The following FAM90A20 variants were observed in gnomAD, a reference collection of about 807,000 sequenced individuals.
The protein encoded by FAM90A20 is family with sequence similarity 90 member A20.
chr8:7,296,437 G>A, the FAM90A20 span: 1 of 716,348 alleles, frequency 1.4e-6, no homozygotes. Context: ...TTATCCTCTA[G>A]GTAACCCTGG....
chr8:7,296,382 T>A, the FAM90A20 span: 4 of 745,438 alleles, frequency 5.4e-6, 1 homozygote, highest in South Asian at 5.5e-5. Flanking sequence ...CCACGGAATC[T>A]TCTGATTATC....
chr8:7,297,304 G>T, the FAM90A20 span: 2 of 1,355,062 alleles, frequency 1.5e-6, no homozygotes, highest in East Asian at 2.3e-5. Context: ...CTCTCCTCGT[G>T]GTGGAGCCGA....
At chr8:7,297,216 G>A in the FAM90A20 span, 37 of 1,527,774 alleles carry the variant, frequency 2.4e-5, 4 homozygotes, top group Non-Finnish European at 2.9e-5. Flanking sequence ...TCCTCCTCAA[G>A]TCTTGGACCA....
chr8:7,296,216 G>T, the FAM90A20 span: 7 of 663,728 alleles, frequency 1.1e-5, no homozygotes, highest in Non-Finnish European at 1.9e-5. Flanking sequence ...AATGGGGCTG[G>T]GCCCCAGACG....
the FAM90A20 span, chr8:7,297,287 C>A: frequency 2.2e-6 from 3 of 1,352,922 alleles, no homozygotes; most frequent in South Asian, 1.2e-5. Flanking sequence ...GCACCAGGTC[C>A]ACGAGACTCT....
the FAM90A20 span, chr8:7,297,499 C>A: frequency 6.6e-6 from 10 of 1,521,406 alleles, no homozygotes; most frequent in Non-Finnish European, 8.0e-6. Context: ...GGTCAGGAGC[C>A]AAGAGACCTG....
At chr8:7,297,263 C>A in the FAM90A20 span, 3 of 1,416,690 alleles carry the variant, frequency 2.1e-6, 1 homozygote, top group Non-Finnish European at 2.9e-6. Flanking sequence ...CGACATCCCT[C>A]GGCCTGCAGT....
chr8:7,297,677 A>G, the FAM90A20 span: 375 of 1,386,046 alleles, frequency 2.7e-4, 22 homozygotes, highest in Non-Finnish European at 3.4e-4. Context: ...CCAGATGGGC[A>G]GGAGGACACC....
At chr8:7,295,853 A>G in the FAM90A20 span, 276 of 708,610 alleles carry the variant, frequency 3.9e-4, 33 homozygotes, top group East Asian at 4.9e-3. Flanking sequence ...AGGGGTTTTC[A>G]CCACTCTTAG....
the FAM90A20 span, chr8:7,296,252 A>T: frequency 1.4e-6 from 1 of 690,832 alleles, no homozygotes; most frequent in East Asian, 2.7e-5. Context: ...CCTGGGGAAA[A>T]CCAGGGGGCA....
the FAM90A20 span, chr8:7,297,902 G>A: frequency 1.4e-6 from 1 of 738,932 alleles, no homozygotes; most frequent in Non-Finnish European, 2.3e-6. Context: ...AGCCTTCCTC[G>A]CTCAGAGCCC....
the FAM90A20 span, chr8:7,296,380 T>C: frequency 3.5e-3 from 2,571 of 741,742 alleles, 412 homozygotes; most frequent in African/African-American, 0.016. Context: ...ATCCACGGAA[T>C]CTTCTGATTA....
the FAM90A20 span, chr8:7,296,299 C>A: frequency 1.2e-5 from 9 of 736,644 alleles, 2 homozygotes; most frequent in East Asian, 2.5e-5. Context: ...GCAACAAGAC[C>A]CGCAGAGGAA....
At chr8:7,297,593 G>A in the FAM90A20 span, 16 of 1,495,276 alleles carry the variant, frequency 1.1e-5, 2 homozygotes, top group Admixed American at 3.4e-5. Flanking sequence ...CACCATCCAG[G>A]GAGGTGAGCT....
chr8:7,297,438 G>T, the FAM90A20 span: 2 of 1,555,554 alleles, frequency 1.3e-6, no homozygotes, highest in South Asian at 1.1e-5. Flanking sequence ...TCACAGCCCT[G>T]CCCATCAGCC....
At chr8:7,296,117 C>T in the FAM90A20 span, among the ~76,000 whole-genome samples, 1 of 130,866 alleles carries the variant, frequency 7.6e-6, no homozygotes, top group Non-Finnish European at 1.5e-5. Flanking sequence ...GCCTAGAGGG[C>T]CACCTGGAGG....
the FAM90A20 span, chr8:7,297,211 C>A: frequency 4.6e-6 from 7 of 1,531,502 alleles, no homozygotes; most frequent in Non-Finnish European, 6.2e-6. Context: ...TGAGCTCCTC[C>A]TCAAGTCTTG....
chr8:7,297,691 C>T, the FAM90A20 span: 5 of 1,410,362 alleles, frequency 3.5e-6, no homozygotes, highest in Non-Finnish European at 4.8e-6. Context: ...GGACACCGGC[C>T]CAGGTGCCCA....
chr8:7,296,885 C>A, the FAM90A20 span, among the ~76,000 whole-genome samples: 6 of 137,042 alleles, frequency 4.4e-5, no homozygotes, highest in African/African-American at 1.7e-4. Context: ...GCGCATCGTT[C>A]ATGTGTCTTT....
Sources: gnomAD v4.1 joint callset for allele counts (sites outside exome capture counted in the v4.1 genomes callset) on GRCh38, gnomAD v4.1.1 for gene constraint, MANE v1.5 for transcripts, NCBI Gene and HGNC (gene_info 2026-07-23, HGNC 2026-07-21) for gene names.